EPHA3: variants seen among roughly 807,000 people sequenced by gnomAD.
EPHA3 encodes EPH receptor A3, also known as ephrin type-A receptor 3.
Under a neutral mutation model 107.1 loss-of-function variants are expected in EPHA3, and 42 were observed. That is an observed-to-expected ratio of 0.39 (90% confidence interval 0.31 to 0.51). EPHA3 has a LOEUF of 0.51. EPHA3 is among the 20% of genes least tolerant of loss of function. The probability of loss-of-function intolerance (pLI) is 0.78; values close to 1 mark genes in which losing one functional copy is unlikely to be tolerated. For missense variants in EPHA3, 1,183 were observed against 1,211.2 expected (o/e 0.98, Z 0.35); for synonymous variants, 461 against 424.8 (o/e 1.09, Z -1.05).
At chr3:89,168,359 G>A (rs1395082735) in intron 2 of EPHA3, among the ~76,000 whole-genome samples, 6 of 152,084 alleles carry the variant, frequency 3.9e-5, no homozygotes, top group Non-Finnish European at 8.8e-5. Flanking sequence ...ATCTCTGAAA[G>A]TGGAAAGTTT....
intron 9 of EPHA3, among the ~76,000 whole-genome samples, chr3:89,410,717 A>G (rs1358220037): frequency 6.6e-6 from 1 of 151,954 alleles, no homozygotes; most frequent in African/African-American, 2.4e-5. Flanking sequence ...AGACTCCAAC[A>G]AGATTTTATT....
At chr3:89,173,595 A>G (rs1020280436) in intron 2 of EPHA3, among the ~76,000 whole-genome samples, 1 of 152,098 alleles carries the variant, frequency 6.6e-6, no homozygotes, top group African/African-American at 2.4e-5. Flanking sequence ...TAAAATCAAT[A>G]ATTCTAAAAG....
intron 3 of EPHA3, among the ~76,000 whole-genome samples, chr3:89,234,682 C>G (rs1434795388): frequency 6.6e-6 from 1 of 151,716 alleles, no homozygotes; most frequent in East Asian, 1.9e-4. Context: ...TCCTTTCCTC[C>G]TTTCCTCCTT....
At chr3:89,275,355 C>T (rs1386234403) in intron 3 of EPHA3, among the ~76,000 whole-genome samples, 2 of 152,016 alleles carry the variant, frequency 1.3e-5, no homozygotes, top group African/African-American at 4.8e-5. Flanking sequence ...CTAATATCAG[C>T]ATCTTCATGA....
At chr3:89,351,541 G>A (rs1243683309) in intron 5 of EPHA3, among the ~76,000 whole-genome samples, 17 of 150,436 alleles carry the variant, frequency 1.1e-4, no homozygotes, top group African/African-American at 3.4e-4. Flanking sequence ...AGATGAACCC[G>A]GTACCTCAGA....
intron 3 of EPHA3, among the ~76,000 whole-genome samples, chr3:89,330,781 G>T (rs188684810): frequency 6.6e-6 from 1 of 151,906 alleles, no homozygotes; most frequent in Non-Finnish European, 1.5e-5. Context: ...TAAATTTTCC[G>T]CTCTGTTTTC....
intron 3 of EPHA3, among the ~76,000 whole-genome samples, chr3:89,315,672 G>C (rs1365461878): frequency 6.6e-6 from 1 of 150,818 alleles, no homozygotes; most frequent in Non-Finnish European, 1.5e-5. Flanking sequence ...TAGCAGTTCT[G>C]AAAGGGTTCT....
At chr3:89,208,236 G>T (rs1314015351) in intron 2 of EPHA3, among the ~76,000 whole-genome samples, 1 of 151,744 alleles carries the variant, frequency 6.6e-6, no homozygotes, top group African/African-American at 2.4e-5. Context: ...CAGTTGTGGT[G>T]TTGGGGGCCT....
In EPHA3 at chr3:89,127,253, A is replaced by G; in HGVS notation, c.133A>G (p.Ile45Val). 1 of 1,612,478 alleles carries G rather than the reference A, an allele frequency of 6.2e-7. No individual in the cohort carries two copies. The highest frequency in any genetic ancestry group is 8.5e-7 in the Non-Finnish European group (1 of 1,178,778). The change falls in exon 2 of 17, where the codon ATC becomes GTC. Residue 45 changes from isoleucine to valine, a missense_variant. Ile to Val is a conservative substitution (Grantham distance 29, BLOSUM62 3). Transcript: ENST00000336596. ...AACAATTCAAGGGGAGCTGGGCTGG[A>G]TCTCTTATCCATCACATGGGGTGAG... ...SKTIQGELGW[I>V]SYPSHGWEEI...
intron 10 of EPHA3, among the ~76,000 whole-genome samples, chr3:89,415,678 T>C (rs1709232852): frequency 6.6e-6 from 1 of 151,144 alleles, no homozygotes; most frequent in Admixed American, 6.6e-5. Flanking sequence ...CTACAATTCC[T>C]AATTTTACTC....
chr3:89,325,825 T>A (rs1707152186), intron 3 of EPHA3, among the ~76,000 whole-genome samples: 1 of 151,884 alleles, frequency 6.6e-6, no homozygotes, highest in South Asian at 2.1e-4. Flanking sequence ...CAACTTAAAT[T>A]TTTATTTAAT....
rs181100220 is a variant in EPHA3, at chr3:89,159,937, C to T, written c.153+32664C>T. On this transcript the variant is annotated intron_variant, in intron 2 of 16. Coordinates refer to ENST00000336596, the MANE Select transcript of EPHA3 (RefSeq NM_005233.6). ...CTTTGCTTCCTTCCTTCCTTCCTCCCTTCCTTCCTTCTTTTCCTTCTTCCT... is the reference window on the plus strand; with the variant it reads ...CTTTGCTTCCTTCCTTCCTTCCTCCTTTCCTTCCTTCTTTTCCTTCTTCCT... 6.6e-4 allele frequency among the ~76,000 whole-genome samples: 101 copies of T among 152,064 alleles called. 2 individuals carry two copies. Among genetic ancestry groups the T allele is most frequent in the Non-Finnish European group, 1.1e-3 (72 of 67,976 alleles).
intron 2 of EPHA3, among the ~76,000 whole-genome samples, chr3:89,143,562 C>A (rs1159575643): frequency 6.6e-6 from 1 of 151,502 alleles, no homozygotes; most frequent in Non-Finnish European, 1.5e-5. Flanking sequence ...TCAATTATTT[C>A]ATGTATAATG....
intron 7 of EPHA3, among the ~76,000 whole-genome samples, chr3:89,406,966 G>A (rs1477787806): frequency 6.6e-6 from 1 of 152,018 alleles, no homozygotes; most frequent in Non-Finnish European, 1.5e-5. Context: ...TTGCCATTGA[G>A]GACAGAGAAA....
chr3:89,221,168 A>T (rs1360783486), intron 3 of EPHA3, among the ~76,000 whole-genome samples: 1 of 152,196 alleles, frequency 6.6e-6, no homozygotes, highest in African/African-American at 2.4e-5. Context: ...GCTTTACCAG[A>T]AATAGTCCCT....
At chr3:89,312,891 C>T (rs1282751515) in intron 3 of EPHA3, among the ~76,000 whole-genome samples, 2 of 151,938 alleles carry the variant, frequency 1.3e-5, no homozygotes, top group Non-Finnish European at 2.9e-5. Context: ...CAGTTCCCTC[C>T]ATGTCCCTGT....
intron 2 of EPHA3, among the ~76,000 whole-genome samples, chr3:89,201,988 A>G (rs1705978627): frequency 6.6e-6 from 1 of 152,114 alleles, no homozygotes; most frequent in African/African-American, 2.4e-5. Context: ...GCCTGCTGAC[A>G]CTTTTTCTCC....
intron 3 of EPHA3, among the ~76,000 whole-genome samples, chr3:89,241,282 C>T (rs1325922591): frequency 1.3e-5 from 2 of 152,074 alleles, no homozygotes; most frequent in African/African-American, 4.8e-5. Context: ...ATTTTCACAC[C>T]ACACACCAAT....
At chr3:89,363,546 G>A (rs1445021236) in intron 5 of EPHA3, among the ~76,000 whole-genome samples, 1 of 150,844 alleles carries the variant, frequency 6.6e-6, no homozygotes, top group Non-Finnish European at 1.5e-5. Flanking sequence ...TCAAAAGTGT[G>A]CCGATTTAAA....
Sources: allele counts gnomAD v4.1 joint callset (sites outside exome capture counted in the v4.1 genomes callset), GRCh38; gene constraint gnomAD v4.1.1; transcripts MANE v1.5; gene names NCBI Gene and HGNC (gene_info 2026-07-23, HGNC 2026-07-21).